Variants in HOOK2 observed in about 807,000 individuals in gnomAD.
HOOK2 encodes the protein hook microtubule tethering protein 2.
Under a neutral mutation model 111.9 loss-of-function variants are expected in HOOK2, and 108 were observed. That is an observed-to-expected ratio of 0.96 (90% confidence interval 0.83 to 1.13). The LOEUF (loss-of-function observed/expected upper bound fraction) is 1.13, where lower values mean the gene tolerates loss of function less well. HOOK2 is among the 50% of genes most tolerant of loss of function. The pLI is 0.00. For synonymous variants in HOOK2, 405 were observed against 394.3 expected (o/e 1.03, Z -0.32); for missense variants, 978 against 951.3 (o/e 1.03, Z -0.37).
chr19:12,769,397 G>A (rs1968247945), intron 11 of HOOK2, among the ~76,000 whole-genome samples: 1 of 152,142 alleles, frequency 6.6e-6, no homozygotes, highest in African/African-American at 2.4e-5. Flanking sequence ...AAAGTGCTGG[G>A]ATTACAGGCG....
upstream of HOOK2, chr19:12,778,410 C>A (rs11667764): frequency 0.064 from 9,791 of 152,298 alleles, 516 homozygotes; most frequent in Non-Finnish European, 0.093. Context: ...CAGACTCCAG[C>A]CCCTGGGAGC....
chr19:12,791,718 C>CGA lies in HOOK2; in HGVS notation n.42-17495_42-17494dup. On this transcript the variant is annotated intron_variant and non_coding_transcript_variant, in intron 3 of 3. Transcript: ENST00000589765. The surrounding 1 kb of genome is among the most constrained non-coding windows in gnomAD (Gnocchi z 7.0). Reference sequence around the variant, plus strand: ...GCGGAGAGCTCGCCGCTCGCTGCAGCGAGGCCCGGAGCGGCCCCGCAGGGA... The same window carrying CGA: ...GCGGAGAGCTCGCCGCTCGCTGCAGCGAGAGGCCCGGAGCGGCCCCGCAGGGA... 1 of 1,353,314 alleles carries CGA rather than the reference C, an allele frequency of 7.4e-7. No homozygotes were observed. The highest frequency in any genetic ancestry group is 1.4e-5 in the South Asian group (1 of 71,962). 83.8% of individuals were successfully genotyped at this position (1,353,314 alleles called of 1,614,324 possible). A position where few individuals can be genotyped will look rare whatever the true frequency, so the allele number is the denominator to read the frequency against.
chr19:12,768,096 C>T lies in HOOK2; in HGVS notation c.1132G>A (p.Glu378Lys). 5 of 1,614,196 alleles carry T rather than the reference C, an allele frequency of 3.1e-6. No homozygotes were observed. In the African/African-American group the frequency reaches 5.3e-5, roughly 17 times the overall value. The change falls in exon 12 of 23, where the codon GAG becomes AAG. Residue 378 changes from glutamate to lysine, a missense_variant. Transcript: ENST00000397668. ...CATTTCTCGGCCTTCATGGCCTCCT[C>T]CTGCCGCTGGCCCTGCAGTTCCTGC... The part of the protein sequence containing the change: ...QVQELQGQRQ[E>K]EAMKAEKWLF...
chr19:12,772,856 C>A lies in HOOK2; in HGVS notation c.312G>T (p.Glu104Asp), dbSNP rs748431502. The change falls in exon 5 of 23, where the codon GAG becomes GAT. Residue 104 changes from glutamate (E) to aspartate (D), a missense_variant. Around this residue, in one of 5 missense-constraint regions of HOOK2, gnomAD observed 301 missense variants for 286.1 expected, o/e 1.05. Coordinates refer to ENST00000397668, the MANE Select transcript of HOOK2 (RefSeq NM_013312.3). The stretch of plus-strand genomic sequence containing the variant: ...TGCCGAGCTCTGCCGGGTCTGAGAA[C>A]TCTCCAATGAGGCTCACATCTGGGA... ...EHLPDVSLIG[E>D]FSDPAELGKL... 1 of 1,614,104 alleles carries A rather than the reference C, an allele frequency of 6.2e-7. No individual in the cohort carries two copies. The highest frequency in any genetic ancestry group is 8.5e-7 in the Non-Finnish European group (1 of 1,180,062).
chr19:12,780,474 A>T (rs1417532828), upstream of HOOK2, among the ~76,000 whole-genome samples: 1 of 150,832 alleles, frequency 6.6e-6, no homozygotes, highest in Non-Finnish European at 1.5e-5. Context: ...CTCCTGCCTC[A>T]GCCTCCCAAG....
chr19:12,766,143 C>CCTCCAGGTG lies in HOOK2; in HGVS notation c.1462_1470dup (p.His488_Glu490dup). The CCTCCAGGTG allele has an allele frequency of 6.2e-7, 1 of 1,601,632 alleles. No individual in the cohort carries two copies. The highest frequency in any genetic ancestry group is 2.2e-5 in the East Asian group (1 of 44,850). On this transcript the variant is annotated inframe_insertion, in exon 15 of 23. Transcript: ENST00000397668. Reference sequence around the variant, plus strand: ...AACCCGTGGCGCGCGCGGTTGGCATCCTCCAGGTGGCGCTGCAGCTCCTCC... The same window carrying CCTCCAGGTG: ...AACCCGTGGCGCGCGCGGTTGGCATCCTCCAGGTGCTCCAGGTGGCGCTGCAGCTCCTCC...
upstream of HOOK2, chr19:12,778,511 C>G (rs924384712): frequency 6.6e-6 from 1 of 152,186 alleles, no homozygotes; most frequent in Non-Finnish European, 1.5e-5. Flanking sequence ...GAACAGCTGC[C>G]GTTGGCTCCC....
chr19:12,765,163 G>T, intron 18 of HOOK2, 82 bp from the exon 19 acceptor site: 1 of 1,387,534 alleles, frequency 7.2e-7, no homozygotes, highest in Non-Finnish European at 1.0e-6. Context: ...AGACCTCCCC[G>T]CCAGCCAGAA....
Position 12,770,086 on chromosome 19 carries a change from G to A in HOOK2, c.903-4C>T, listed in dbSNP as rs760836339. ...CCCAGCACGCTCCGAAGACTGCCTA[G>A]GGGAGTGGGAGGGAAGGGGGAGGGC... On this transcript the variant is annotated splice_region_variant and splice_polypyrimidine_tract_variant and intron_variant, in intron 10 of 22. Transcript: ENST00000397668. The A allele has an allele frequency of 1.3e-6, 2 of 1,491,648 alleles. No homozygotes were observed. The highest frequency in any genetic ancestry group is 1.3e-5 in the South Asian group (1 of 79,210). 92.4% of individuals were successfully genotyped at this position (1,491,648 alleles called of 1,614,324 possible). A position where few individuals can be genotyped will look rare whatever the true frequency, so the allele number is the denominator to read the frequency against.
At position 12,775,519 on chromosome 19, in the gene HOOK2, C is replaced by G; in HGVS notation, c.-70G>C. On this transcript the variant is annotated 5_prime_UTR_variant, in exon 1 of 23. Coordinates refer to ENST00000397668, the MANE Select transcript of HOOK2 (RefSeq NM_013312.3). ...CAGCAGCCTCCGGGTCCGCCACCAG[C>G]GAGCGCCCGCAGCCCCGACCTCCCG... 6.5e-7 allele frequency: 1 copy of G among 1,533,606 alleles called. No homozygotes were observed. Among genetic ancestry groups the G allele is most frequent in the Non-Finnish European group, 8.8e-7 (1 of 1,139,512 alleles). The allele number at this position is 1,533,606 out of a possible 1,614,324, so 95.0% of individuals were successfully genotyped here.
chr19:12,771,804 C>T, intron 7 of HOOK2: 1 of 373,760 alleles, frequency 2.7e-6, no homozygotes. Context: ...ATCGCTTGAA[C>T]CCGGGAGGCG....
intron 20 of HOOK2, 84 bp downstream of exon 20, chr19:12,764,730 G>T: frequency 3.5e-6 from 4 of 1,134,058 alleles, no homozygotes; most frequent in Non-Finnish European, 3.9e-6. Context: ...GCACAGATGT[G>T]CAAGCAGGAG....
chr19:12,776,828 ACAGAGCAAGACTCTGTCT>A (rs1286879132), upstream of HOOK2, among the ~76,000 whole-genome samples: 2 of 151,412 alleles, frequency 1.3e-5, no homozygotes, highest in South Asian at 4.2e-4. Context: ...AGTCTGGGTG[ACAGAGCAAGACTCTGTCT>A]CAAAAAAAAA....
At position 12,790,211 on chromosome 19, in the gene HOOK2, C is replaced by T. The variant is rs896672458; in HGVS notation, n.42-15986G>A. The stretch of plus-strand genomic sequence containing the variant: ...AAGCACCCGGGCCTCCGCGGGGGCT[C>T]GCACGCCCAGGTTCCTCTTCCGAGG... On this transcript the variant is annotated intron_variant and non_coding_transcript_variant, in intron 3 of 3. Coordinates refer to the HOOK2 transcript ENST00000589765. The surrounding 1 kb of genome is among the most constrained non-coding windows in gnomAD (Gnocchi z 7.2). 6.6e-5 allele frequency among the ~76,000 whole-genome samples: 10 copies of T among 152,178 alleles called. No homozygotes were observed. Among genetic ancestry groups the T allele is most frequent in the Non-Finnish European group, 1.2e-4 (8 of 68,022 alleles).
chr19:12,767,828 A>AC lies in HOOK2; in HGVS notation c.1290dup (p.Leu431ValfsTer17), dbSNP rs1568363620. On this transcript the variant is annotated frameshift_variant, in exon 13 of 23. Transcript: ENST00000397668. LOFTEE classifies it high-confidence loss of function. ...GGCTTCATCTCACCGGCCTGGGTCA[A>AC]CCCCCGCGGCTGCAGCTGGGCGCAG... 6.2e-7 allele frequency: 1 copy of AC among 1,602,618 alleles called. No homozygotes were observed. Among genetic ancestry groups the AC allele is most frequent in the Middle Eastern group, 2.1e-4 (1 of 4,764 alleles).
rs377444360 is a variant in HOOK2, at chr19:12,765,033, G to A, written c.1689C>T (p.Tyr563=). Residue 563 remains tyrosine, a synonymous_variant, in exon 19 of 23, where the codon TAC becomes TAT. Transcript: ENST00000397668. ...CAGTGGGTGGCTCCAGCTCCTCAAT[G>A]TACTCCCGCTTCCTCTGCAACTCCA... ...ADLELQRKRE[Y]IEELEPPTDS... is the part of the protein sequence containing the mutation. The A allele has an allele frequency of 1.1e-4, 185 of 1,614,162 alleles. No individual in the cohort carries two copies. The Middle Eastern group carries it at 0.01, about 88-fold the overall frequency.
At chr19:12,768,517 T>A (rs1968222909) in intron 11 of HOOK2, among the ~76,000 whole-genome samples, 1 of 152,224 alleles carries the variant, frequency 6.6e-6, no homozygotes, top group Non-Finnish European at 1.5e-5. Context: ...TTATGGTAGA[T>A]GATTTTGCCA....
In HOOK2 at chr19:12,771,197, C is replaced by G. The variant is rs781778110; in HGVS notation, c.723G>C (p.Leu241=). 1 of 1,611,858 alleles carries G rather than the reference C, an allele frequency of 6.2e-7. No homozygotes were observed. The change falls in exon 9 of 23, where the codon CTG becomes CTC. Residue 241 remains leucine, a synonymous_variant. Transcript: ENST00000397668. ...CCTGCAACTGCTCCAGCTGGGATTG[C>G]AGCAGCAGCAGCTTCTTGGCAGTGA... ...PGLTAKKLLL[L]QSQLEQLQEE...
In HOOK2 at chr19:12,770,953, T is replaced by G; in HGVS notation, c.881A>C (p.Lys294Thr). 1 of 1,607,706 alleles carries G rather than the reference T, an allele frequency of 6.2e-7. No individual in the cohort carries two copies. Among genetic ancestry groups the G allele is most frequent in the Non-Finnish European group, 8.5e-7 (1 of 1,176,302 alleles). Residue 294 changes from lysine (K) to threonine (T), a missense_variant, in exon 10 of 23, where the codon AAG becomes ACG. Transcript: ENST00000397668. ...TSLAQEAQAL[K>T]DEMDELRQSS... The stretch of plus-strand genomic sequence containing the variant: ...TCACCGTAGTTCATCCATCTCATCC[T>G]TCAGGGCCTGTGCCTCCTGGGCCAG...
Sources: allele counts gnomAD v4.1 joint callset (sites outside exome capture counted in the v4.1 genomes callset), GRCh38; gene constraint gnomAD v4.1.1; regional missense constraint gnomAD v4.1.1; non-coding constraint Gnocchi (gnomAD v3.1); transcripts MANE v1.5; gene names NCBI Gene and HGNC (gene_info 2026-07-23, HGNC 2026-07-21).